Variants in NCKAP5 observed in about 807,000 individuals in gnomAD.
NCKAP5 encodes the protein NCK associated protein 5.
In NCKAP5, 92 loss-of-function variants were observed where a neutral mutation model predicts 167.0. The observed-to-expected ratio is 0.55, with a 90% CI of 0.47 to 0.66. The LOEUF is 0.66. NCKAP5 is among the 30% of genes least tolerant of loss of function. The pLI, the probability that NCKAP5 is intolerant of heterozygous loss-of-function variation, is 0.00. For missense variants in NCKAP5, 2,378 were observed against 2,315.0 expected (o/e 1.03, Z -0.56); for synonymous variants, 891 against 877.4 (o/e 1.02, Z -0.27).
At chr2:133,016,818 TA>T (rs917704637) in intron 6 of NCKAP5, among the ~76,000 whole-genome samples, 16 of 148,722 alleles carry the variant, frequency 1.1e-4, no homozygotes, top group South Asian at 2.1e-4. Flanking sequence ...CTTTCCTCAC[TA>T]AAAAAAAAAT....
the NCKAP5 span, among the ~76,000 whole-genome samples, chr2:133,646,446 A>T: frequency 6.6e-6 from 1 of 152,108 alleles, no homozygotes; most frequent in Non-Finnish European, 1.5e-5. Context: ...TATTCAAAGT[A>T]CTGAAAGAAA....
At chr2:133,036,231 A>G (rs962956470) in intron 6 of NCKAP5, among the ~76,000 whole-genome samples, 1 of 151,964 alleles carries the variant, frequency 6.6e-6, no homozygotes, top group Non-Finnish European at 1.5e-5. Context: ...CACTGCTAAA[A>G]TCTACCAAAT....
intron 5 of NCKAP5, among the ~76,000 whole-genome samples, chr2:133,159,520 T>C (rs1416138938): frequency 1.3e-5 from 2 of 152,174 alleles, no homozygotes; most frequent in Non-Finnish European, 2.9e-5. Flanking sequence ...AGGAAACTAA[T>C]ACAAAGACCC....
At chr2:133,480,509 G>C (rs1680330256) in intron 3 of NCKAP5, among the ~76,000 whole-genome samples, 1 of 151,930 alleles carries the variant, frequency 6.6e-6, no homozygotes, top group Non-Finnish European at 1.5e-5. Context: ...CCTGTGCATA[G>C]AGCCTCCTGT....
chr2:133,035,650 C>A lies in NCKAP5; in HGVS notation c.342-41411G>T, dbSNP rs1007896809. On this transcript the variant is annotated intron_variant, in intron 6 of 19. Coordinates refer to ENST00000409261, the MANE Select transcript of NCKAP5 (RefSeq NM_207363.3). ...CACATGGGAATTAAACAATATGACC[C>A]ATGGGATCACTGAAAGAATTCAAAA... is the stretch of plus-strand genomic sequence containing the variant. Among the ~76,000 whole-genome samples the A allele has an allele frequency of 1.5e-3, 226 of 151,652 alleles. 1 individual carries two copies. Among genetic ancestry groups the A allele is most frequent in the African/African-American group, 5.2e-3 (214 of 41,428 alleles).
rs3069016 is a variant in NCKAP5, at chr2:132,687,712, AACACAC to A, written c.5714-14413_5714-14408del. ...ACTGCTAAGCACGGACACCTACCTA[AACACAC>A]ACACACACACACACACACACACACA... is the stretch of plus-strand genomic sequence containing the variant. On this transcript the variant is annotated intron_variant, in intron 19 of 19. Coordinates refer to ENST00000409261, the MANE Select transcript of NCKAP5 (RefSeq NM_207363.3). 7.7e-3 allele frequency among the ~76,000 whole-genome samples: 1,017 copies of A among 131,636 alleles called. 12 individuals are homozygous for A. Among genetic ancestry groups the A allele is most frequent in the East Asian group, 0.053 (238 of 4,494 alleles). 86.4% of individuals were successfully genotyped at this position (131,636 alleles called of 152,430 possible). A position where few individuals can be genotyped will look rare whatever the true frequency, so the allele number is the denominator to read the frequency against.
At chr2:132,720,696 C>T (rs924025747) in intron 19 of NCKAP5, among the ~76,000 whole-genome samples, 2 of 152,144 alleles carry the variant, frequency 1.3e-5, no homozygotes, top group Non-Finnish European at 2.9e-5. Context: ...TATCAAATGT[C>T]CTCTCCTGCC....
At chr2:133,359,394 A>C (rs901072355) in intron 3 of NCKAP5, among the ~76,000 whole-genome samples, 2 of 152,180 alleles carry the variant, frequency 1.3e-5, no homozygotes, top group Non-Finnish European at 2.9e-5. Context: ...TACTACACTG[A>C]AATCTTATGC....
the NCKAP5 span, among the ~76,000 whole-genome samples, chr2:133,588,639 C>T: frequency 0.85 from 129,274 of 152,130 alleles, 55,231 homozygotes; most frequent in East Asian, 0.97. Flanking sequence ...TCAAGGAGCA[C>T]ACATTTTAGA....
chr2:133,423,990 G>C (rs1264396893), intron 3 of NCKAP5, among the ~76,000 whole-genome samples: 1 of 152,168 alleles, frequency 6.6e-6, no homozygotes, highest in Non-Finnish European at 1.5e-5. Context: ...ATTCATCCAA[G>C]TTAGAAAGCA....
chr2:133,399,635 A>G (rs1459259618), intron 3 of NCKAP5, among the ~76,000 whole-genome samples: 1 of 152,208 alleles, frequency 6.6e-6, no homozygotes, highest in African/African-American at 2.4e-5. Context: ...GATTATTAAA[A>G]GGGACAGTGT....
rs1682846629 is a variant in NCKAP5 at position 133,504,739 on chromosome 2, G to A, written c.69+12719C>T. On this transcript the variant is annotated intron_variant, in intron 3 of 19. Coordinates refer to ENST00000409261, the MANE Select transcript of NCKAP5 (RefSeq NM_207363.3). ...AGCAGCCTCTGAGGAGGCTGGCGAG[G>A]GGCCAGTTCCCAGGGTTGGTGCATT... 2.0e-5 allele frequency among the ~76,000 whole-genome samples: 3 copies of A among 152,168 alleles called. No individual in the cohort carries two copies. The South Asian group carries it at 6.2e-4, about 32-fold the overall frequency.
At chr2:132,998,431 A>T (rs1270832698) in intron 6 of NCKAP5, among the ~76,000 whole-genome samples, 1 of 152,192 alleles carries the variant, frequency 6.6e-6, no homozygotes, top group African/African-American at 2.4e-5. Flanking sequence ...TGATTAATCA[A>T]AACCAATTAC....
chr2:132,872,905 C>A (rs1328546135), intron 9 of NCKAP5, among the ~76,000 whole-genome samples: 1 of 151,982 alleles, frequency 6.6e-6, no homozygotes, highest in East Asian at 1.9e-4. Flanking sequence ...GGAGAGAAAT[C>A]TGACTTTTCT....
At chr2:132,912,247 G>C (rs1013523612) in intron 8 of NCKAP5, among the ~76,000 whole-genome samples, 13 of 152,062 alleles carry the variant, frequency 8.5e-5, no homozygotes, top group African/African-American at 3.1e-4. Flanking sequence ...GTGCCCTTTG[G>C]GAAAAGTCAT....
At chr2:132,996,093 G>A (rs1011317144) in intron 6 of NCKAP5, among the ~76,000 whole-genome samples, 4 of 152,168 alleles carry the variant, frequency 2.6e-5, no homozygotes, top group Non-Finnish European at 5.9e-5. Context: ...GAATTTTTCA[G>A]CTCCATTATA....
chr2:133,463,665 C>T (rs929243870), intron 3 of NCKAP5, among the ~76,000 whole-genome samples: 2 of 152,230 alleles, frequency 1.3e-5, no homozygotes, highest in Non-Finnish European at 2.9e-5. Flanking sequence ...AAGGCCAATG[C>T]AGTGAGTTTA....
intron 4 of NCKAP5, among the ~76,000 whole-genome samples, chr2:133,271,968 A>T (rs2089531704): frequency 6.6e-6 from 1 of 152,286 alleles, no homozygotes; most frequent in African/African-American, 2.4e-5. Context: ...GTGTGCAGAT[A>T]AATATTTTAT....
chr2:132,773,548 AG>A (rs1245794303), intron 16 of NCKAP5, among the ~76,000 whole-genome samples: 2 of 152,240 alleles, frequency 1.3e-5, no homozygotes, highest in Admixed American at 1.3e-4. Flanking sequence ...TGGATTACTC[AG>A]TATCACTTTC....
Sources: gnomAD v4.1 joint callset for allele counts (sites outside exome capture counted in the v4.1 genomes callset) on GRCh38, gnomAD v4.1.1 for gene constraint, MANE v1.5 for transcripts, NCBI Gene and HGNC (gene_info 2026-07-23, HGNC 2026-07-21) for gene names.